Variants in TTLL5 observed in about 807,000 individuals in gnomAD.
The protein encoded by TTLL5 is tubulin polyglutamylase TTLL5.
TTLL5 carries 132 observed loss-of-function variants against 168.4 expected under a neutral mutation model. The observed-to-expected ratio is 0.78, with a 90% confidence interval of 0.68 to 0.91. TTLL5 has a LOEUF of 0.91. Ranked by LOEUF, TTLL5 falls within the 40% of genes least tolerant of loss-of-function variation. The pLI, the probability that TTLL5 is intolerant of heterozygous loss-of-function variation, is 0.00. For synonymous variants in TTLL5, 546 were observed against 558.6 expected, an observed-to-expected ratio of 0.98 and a Z score of 0.32; for missense variants, 1,545 against 1,581.5, an observed-to-expected ratio of 0.98 and a Z score of 0.39.
intron 12 of TTLL5, chr14:75,727,944 TG>T: frequency 2.4e-6 from 1 of 417,410 alleles, no homozygotes; most frequent in Middle Eastern, 3.5e-4. Context: ...GACAGGCATG[TG>T]GGTTACATGG....
intron 29 of TTLL5, among the ~76,000 whole-genome samples, chr14:75,879,440 A>G (rs1001861847): frequency 1.3e-5 from 2 of 152,230 alleles, no homozygotes; most frequent in Admixed American, 1.3e-4. Context: ...TCTCAGTAGA[A>G]CTGAGGTAGG....
intron 27 of TTLL5, among the ~76,000 whole-genome samples, chr14:75,811,782 T>C (rs143219620): frequency 1.3e-5 from 2 of 152,328 alleles, no homozygotes; most frequent in Non-Finnish European, 2.9e-5. Flanking sequence ...CCTCTTCACA[T>C]ACCAAAAGGT....
chr14:75,868,057 G>A (rs2030681930), intron 29 of TTLL5, among the ~76,000 whole-genome samples: 2 of 152,164 alleles, frequency 1.3e-5, no homozygotes, highest in African/African-American at 2.4e-5. Context: ...AGGCCTGACT[G>A]ACCTGATTCT....
intron 31 of TTLL5, among the ~76,000 whole-genome samples, chr14:75,950,710 G>A (rs1245506564): frequency 3.3e-5 from 5 of 152,112 alleles, no homozygotes; most frequent in Non-Finnish European, 5.9e-5. Flanking sequence ...GCTCACACCT[G>A]TAATCCCAGC....
Position 75,775,574 on chromosome 14 carries a change from G to A in TTLL5, c.2227G>A (p.Glu743Lys), listed in dbSNP as rs750454110. 6.2e-7 allele frequency: 1 copy of A among 1,613,930 alleles called. No individual in the cohort carries two copies. The highest frequency in any genetic ancestry group is 8.5e-7 in the Non-Finnish European group (1 of 1,179,998). The change falls in exon 22 of 32, where the codon GAA (glutamate) becomes AAA (lysine). Residue 743 changes from glutamate (E) to lysine (K), a missense_variant. Physicochemically the swap from Glu to Lys is moderately conservative, Grantham distance 56 (BLOSUM62 1). Coordinates refer to ENST00000298832, the MANE Select transcript of TTLL5 (RefSeq NM_015072.5). Reference protein sequence around the residue: ...VLPSRRLALLERRRILAHQLG... With the variant: ...VLPSRRLALLKRRRILAHQLG... ...ACCCAGTCGACGATTGGCACTTCTG[G>A]AACGCAGAAGAATCCTGGCCCACCA...
chr14:75,780,210 G>C (rs1453446559), intron 24 of TTLL5, among the ~76,000 whole-genome samples: 2 of 152,178 alleles, frequency 1.3e-5, no homozygotes. Context: ...CTCTTGTCAA[G>C]TTTGTTACTT....
chr14:75,865,886 T>C (rs113181331), intron 29 of TTLL5, among the ~76,000 whole-genome samples: 185 of 152,346 alleles, frequency 1.2e-3, no homozygotes, highest in African/African-American at 4.2e-3. Context: ...AAGGGAGTTA[T>C]CTCGTTCTCC....
chr14:75,786,899 G>A (rs1241112241), intron 26 of TTLL5, among the ~76,000 whole-genome samples: 2 of 152,114 alleles, frequency 1.3e-5, no homozygotes, highest in African/African-American at 4.8e-5. Flanking sequence ...TTCGGAGGCC[G>A]AGTTAGGCAG....
chr14:75,790,059 T>G (rs978847920), intron 26 of TTLL5, among the ~76,000 whole-genome samples: 3 of 152,090 alleles, frequency 2.0e-5, no homozygotes, highest in Non-Finnish European at 4.4e-5. Context: ...AGATGGAAAT[T>G]TCATGTATGA....
chr14:75,683,359 A>G (rs139948699), intron 4 of TTLL5, among the ~76,000 whole-genome samples, 191 bp from the exon 5 acceptor site: 1 of 152,354 alleles, frequency 6.6e-6, no homozygotes, highest in East Asian at 1.9e-4. Flanking sequence ...GGATTTGCCC[A>G]ACCCTCCCAT....
intron 31 of TTLL5, among the ~76,000 whole-genome samples, chr14:75,940,375 G>A (rs1280993475): frequency 6.6e-6 from 1 of 151,922 alleles, no homozygotes; most frequent in African/African-American, 2.4e-5. Flanking sequence ...CACCGCGCCC[G>A]GCCGAAATTA....
intron 27 of TTLL5, chr14:75,803,340 A>T (rs1893440806): frequency 6.6e-6 from 1 of 152,248 alleles, no homozygotes; most frequent in Admixed American, 6.5e-5. Context: ...TTAGATTCTT[A>T]AGAAATCTGT....
intron 17 of TTLL5, among the ~76,000 whole-genome samples, chr14:75,748,709 A>G (rs1295102517): frequency 1.3e-5 from 2 of 152,244 alleles, no homozygotes; most frequent in Admixed American, 1.3e-4. Context: ...CAAAGTGGCT[A>G]TGTAAACTAT....
intron 5 of TTLL5, 78 bp downstream of exon 5, chr14:75,683,734 GT>G (rs1736112074): frequency 1.8e-6 from 2 of 1,120,614 alleles, no homozygotes; most frequent in Non-Finnish European, 1.3e-6. Context: ...GGTAATTAGT[GT>G]CCTTAAAGAA....
rs1189944588 is a variant in TTLL5 at position 75,865,282 on chromosome 14, CTG to C, written c.3522+1424_3522+1425del. On this transcript the variant is annotated intron_variant, in intron 29 of 31. Transcript: ENST00000298832. ...TTAGTTGTTGTTTTTTTTTTTTAAT[CTG>C]TGTTCTTAAATTTCTTAAAGCTTTT... Among the ~76,000 whole-genome samples the C allele has an allele frequency of 2.0e-5, 3 of 148,514 alleles. No individual in the cohort carries two copies. In the East Asian group the frequency reaches 5.9e-4, roughly 29 times the overall value.
At chr14:75,753,066 GA>G (rs897338785) in intron 18 of TTLL5, 111 bp downstream of exon 18, 31 of 1,025,706 alleles carry the variant, frequency 3.0e-5, no homozygotes, top group South Asian at 3.4e-5. Context: ...ATCTCTGCTA[GA>G]AAAAAAAGTC....
At chr14:75,932,070 C>T (rs2034294456) in intron 31 of TTLL5, among the ~76,000 whole-genome samples, 1 of 152,192 alleles carries the variant, frequency 6.6e-6, no homozygotes, top group African/African-American at 2.4e-5. Context: ...GTTTAGCATT[C>T]ACTGAATAAG....
chr14:75,943,101 C>T (rs141809167), intron 31 of TTLL5, among the ~76,000 whole-genome samples: 5 of 152,010 alleles, frequency 3.3e-5, no homozygotes, highest in South Asian at 2.1e-4. Context: ...AAGGCGGTGT[C>T]GGGGAAGAGC....
intron 31 of TTLL5, among the ~76,000 whole-genome samples, chr14:75,949,288 G>A (rs1255504898): frequency 6.6e-6 from 1 of 151,122 alleles, no homozygotes; most frequent in African/African-American, 2.4e-5. Context: ...AGATACGTAA[G>A]ACCTGTGATA....
Sources: gnomAD v4.1 joint callset for allele counts (sites outside exome capture counted in the v4.1 genomes callset) on GRCh38, gnomAD v4.1.1 for gene constraint, MANE v1.5 for transcripts, NCBI Gene and HGNC (gene_info 2026-07-23, HGNC 2026-07-21) for gene names.